ATP2B2: variants seen among roughly 807,000 people sequenced by gnomAD.
ATP2B2 encodes ATPase plasma membrane Ca2+ transporting 2.
Under a neutral mutation model 120.0 loss-of-function variants are expected in ATP2B2, and 15 were observed. That is an observed-to-expected ratio of 0.12 (90% CI 0.08 to 0.19). ATP2B2 has a LOEUF of 0.19. Among genes scored for constraint, ATP2B2 ranks in the 10% least tolerant of loss-of-function variants. The pLI, the probability that ATP2B2 is intolerant of heterozygous loss-of-function variation, is 1.00. For synonymous variants in ATP2B2, 694 were observed against 700.3 expected (o/e 0.99, Z 0.14); for missense variants, 1,045 against 1,719.8 (o/e 0.61, Z 6.94).
intron 1 of ATP2B2, among the ~76,000 whole-genome samples, chr3:10,691,536 TCCA>T (rs2071662911): frequency 6.6e-6 from 1 of 152,188 alleles, no homozygotes; most frequent in Non-Finnish European, 1.5e-5. Context: ...AGCAGTCTGC[TCCA>T]CCACCACCCA....
At chr3:10,615,807 T>C (rs942901651) in intron 2 of ATP2B2, among the ~76,000 whole-genome samples, 1 of 152,240 alleles carries the variant, frequency 6.6e-6, no homozygotes, top group Admixed American at 6.5e-5. Flanking sequence ...ATTGTTTATC[T>C]CTAACTCACT....
At chr3:10,383,393 T>C (rs1277450750) in intron 8 of ATP2B2, among the ~76,000 whole-genome samples, 1 of 152,222 alleles carries the variant, frequency 6.6e-6, no homozygotes, top group Non-Finnish European at 1.5e-5. Context: ...AGCAGTCCTG[T>C]AACCAGGACT....
chr3:10,445,423 G>A (rs1402582410), intron 2 of ATP2B2, among the ~76,000 whole-genome samples: 2 of 152,234 alleles, frequency 1.3e-5, no homozygotes, highest in African/African-American at 2.4e-5. Flanking sequence ...AGATAAAGGC[G>A]TTAATTAGAA....
At chr3:10,356,142 T>TTGTGCGTG (rs200103807) in intron 14 of ATP2B2, among the ~76,000 whole-genome samples, 3 of 61,196 alleles carry the variant, frequency 4.9e-5, no homozygotes, top group Admixed American at 2.2e-4. Context: ...GTCCTTTCCT[T>TTGTGCGTG]TGTGCGTGTG....
intron 2 of ATP2B2, among the ~76,000 whole-genome samples, chr3:10,594,841 A>T (rs1373555549): frequency 1.3e-5 from 2 of 152,154 alleles, no homozygotes; most frequent in African/African-American, 4.8e-5. Context: ...AAAAAGAAAG[A>T]GGTATCATCA....
At chr3:10,666,894 A>G (rs573827194) in intron 1 of ATP2B2, among the ~76,000 whole-genome samples, 1 of 151,944 alleles carries the variant, frequency 6.6e-6, no homozygotes, top group African/African-American at 2.4e-5. Flanking sequence ...TGCCCCCACG[A>G]CTCTCTGAGT....
chr3:10,502,029 C>T (rs1041439900), intron 1 of ATP2B2, among the ~76,000 whole-genome samples: 14 of 152,208 alleles, frequency 9.2e-5, no homozygotes, highest in Non-Finnish European at 1.3e-4. Flanking sequence ...TGACCCATAC[C>T]TGTGGCTGGG....
chr3:10,436,628 T>A (rs1348430184), intron 2 of ATP2B2, among the ~76,000 whole-genome samples: 1 of 152,232 alleles, frequency 6.6e-6, no homozygotes, highest in Non-Finnish European at 1.5e-5. Flanking sequence ...TCCCTGCATG[T>A]CCCCGTTTCC....
At chr3:10,438,811 C>T (rs539595016) in intron 2 of ATP2B2, among the ~76,000 whole-genome samples, 8 of 152,320 alleles carry the variant, frequency 5.3e-5, no homozygotes, top group East Asian at 3.9e-4. Context: ...TACTAGCATT[C>T]GAGACGGCCC....
At chr3:10,357,934 G>C (rs1444508106) in intron 14 of ATP2B2, among the ~76,000 whole-genome samples, 1 of 152,330 alleles carries the variant, frequency 6.6e-6, no homozygotes, top group South Asian at 2.1e-4. Context: ...GGCAGCTCCA[G>C]CACTGAGTTC....
At chr3:10,434,558 T>C (rs998428218) in intron 2 of ATP2B2, among the ~76,000 whole-genome samples, 7 of 152,224 alleles carry the variant, frequency 4.6e-5, no homozygotes, top group African/African-American at 1.7e-4. Context: ...AACAACCTTG[T>C]AGGTAGGCAT....
chr3:10,571,346 GT>G (rs1338376600), intron 2 of ATP2B2, among the ~76,000 whole-genome samples: 1 of 152,236 alleles, frequency 6.6e-6, no homozygotes, highest in African/African-American at 2.4e-5. Context: ...AGAGGGCCAG[GT>G]AGGTGACTCG....
At chr3:10,496,695 G>A (rs143564123) in intron 1 of ATP2B2, among the ~76,000 whole-genome samples, 39 of 151,652 alleles carry the variant, frequency 2.6e-4, no homozygotes, top group Middle Eastern at 3.4e-3. Flanking sequence ...CCCTTCCCCC[G>A]TGACCTGGAC....
intron 2 of ATP2B2, among the ~76,000 whole-genome samples, chr3:10,603,834 CTT>C (rs1364956078): frequency 1.3e-5 from 2 of 152,282 alleles, no homozygotes. Context: ...AATAAATAGA[CTT>C]AACTCTCAGA....
chr3:10,558,785 T>A (rs61288574), intron 2 of ATP2B2, among the ~76,000 whole-genome samples: 57,744 of 151,254 alleles, frequency 0.38, 11,228 homozygotes, highest in South Asian at 0.46. Context: ...AGAAGCAAAA[T>A]ATGGAGAAAG....
chr3:10,622,732 G>C (rs552822216), intron 1 of ATP2B2, among the ~76,000 whole-genome samples: 1 of 152,312 alleles, frequency 6.6e-6, no homozygotes, highest in East Asian at 1.9e-4. Context: ...GCATGGCCTG[G>C]GGGCCTTGCA....
At chr3:10,455,783 A>G (rs1235098768) in intron 1 of ATP2B2, among the ~76,000 whole-genome samples, 2 of 152,134 alleles carry the variant, frequency 1.3e-5, no homozygotes, top group Non-Finnish European at 2.9e-5. Flanking sequence ...GCCCAGTGAG[A>G]ATCTCCTCCT....
chr3:10,525,519 TACTA>T (rs1175670261), intron 3 of ATP2B2, among the ~76,000 whole-genome samples: 2 of 152,344 alleles, frequency 1.3e-5, no homozygotes, highest in Non-Finnish European at 2.9e-5. Flanking sequence ...GATATGTTGA[TACTA>T]ACTAACACCC....
intron 2 of ATP2B2, among the ~76,000 whole-genome samples, chr3:10,617,172 A>G (rs1360372796): frequency 6.6e-6 from 1 of 152,184 alleles, no homozygotes; most frequent in Non-Finnish European, 1.5e-5. Flanking sequence ...CTTTGTATAC[A>G]TTTTGGGTTA....
Sources: allele counts gnomAD v4.1 joint callset (sites outside exome capture counted in the v4.1 genomes callset), GRCh38; gene constraint gnomAD v4.1.1; transcripts MANE v1.5; gene names NCBI Gene and HGNC (gene_info 2026-07-23, HGNC 2026-07-21).